The following TLK1 variants were observed in gnomAD, a reference collection of about 807,000 sequenced individuals.
TLK1 encodes the protein serine/threonine-protein kinase tousled-like 1.
A neutral mutation model predicts 105.3 loss-of-function variants in TLK1; 24 were observed. That is an observed-to-expected ratio of 0.23 (90% CI 0.17 to 0.32). The LOEUF (loss-of-function observed/expected upper bound fraction) is 0.32, where lower values mean the gene tolerates loss of function less well. TLK1 is among the 10% of genes least tolerant of loss of function. The probability of loss-of-function intolerance (pLI) is 1.00; values close to 1 mark genes in which losing one functional copy is unlikely to be tolerated. For missense variants in TLK1, 558 were observed against 910.5 expected (o/e 0.61, Z 4.98); for synonymous variants, 321 against 310.4 (o/e 1.03, Z -0.36).
chr2:171,206,150 G>A (rs1693502357), intron 1 of TLK1, among the ~76,000 whole-genome samples: 1 of 152,188 alleles, frequency 6.6e-6, no homozygotes, highest in Admixed American at 6.5e-5. Flanking sequence ...TCAGAGCAAT[G>A]AGAGGCTATT....
chr2:171,118,120 A>T (rs1052516902), intron 1 of TLK1, among the ~76,000 whole-genome samples: 1 of 152,220 alleles, frequency 6.6e-6, no homozygotes, highest in African/African-American at 2.4e-5. Context: ...ACAAACATTC[A>T]TATATTTAAA....
intron 1 of TLK1, among the ~76,000 whole-genome samples, chr2:171,125,514 T>C (rs1002395698): frequency 6.6e-6 from 1 of 152,158 alleles, no homozygotes; most frequent in Non-Finnish European, 1.5e-5. Context: ...TGGTCACAGA[T>C]GTGGCACTCA....
At chr2:171,116,456 T>G (rs1239834036) in intron 2 of TLK1, among the ~76,000 whole-genome samples, 1 of 152,080 alleles carries the variant, frequency 6.6e-6, no homozygotes, top group Non-Finnish European at 1.5e-5. Flanking sequence ...ATCCCAGCAC[T>G]TTGGGAGGCC....
chr2:171,142,485 CTA>C (rs1691620584), intron 1 of TLK1, among the ~76,000 whole-genome samples: 1 of 152,038 alleles, frequency 6.6e-6, no homozygotes, highest in African/African-American at 2.4e-5. Context: ...TGCCTTAACA[CTA>C]GATTAAAAAC....
intron 3 of TLK1, among the ~76,000 whole-genome samples, chr2:171,076,844 G>A (rs1688535445): frequency 2.0e-5 from 3 of 151,912 alleles, no homozygotes; most frequent in Admixed American, 1.3e-4. Context: ...AACCCGGGAG[G>A]CAGAGCTTGC....
chr2:171,074,293 C>T (rs188123675), intron 3 of TLK1, among the ~76,000 whole-genome samples: 149 of 152,300 alleles, frequency 9.8e-4, no homozygotes, highest in Admixed American at 8.6e-3. Flanking sequence ...TCATTGTATA[C>T]AGCAACATTG....
chr2:171,213,207 TTTTC>T (rs769043449), intron 1 of TLK1, among the ~76,000 whole-genome samples: 25 of 142,842 alleles, frequency 1.8e-4, no homozygotes, highest in African/African-American at 6.2e-4. Context: ...TTTTCTTTTC[TTTTC>T]TTTTTTTTTT....
Position 170,990,997 on chromosome 2 carries a change from TGA to T in TLK1, c.*2781_*2782del, listed in dbSNP as rs1683760015. On this transcript the variant is annotated 3_prime_UTR_variant, in exon 21 of 21. Coordinates refer to ENST00000431350, the MANE Select transcript of TLK1 (RefSeq NM_012290.5). ...GAGTTGTTTTAGAAGGAGATGGTAG[TGA>T]GTGTTTAAAAAAAAAAAAAAGATTG... The T allele has an allele frequency of 7.5e-6, 1 of 133,782 alleles. No individual in the cohort carries two copies. The highest frequency in any genetic ancestry group is 1.7e-5 in the Non-Finnish European group (1 of 59,088). The allele number at this position is 133,782 out of a possible 1,614,324, so 8.3% of individuals were successfully genotyped here.
At chr2:171,164,381 T>A (rs796444132), upstream of TLK1, among the ~76,000 whole-genome samples, 6 of 152,284 alleles carry the variant, frequency 3.9e-5, no homozygotes, top group African/African-American at 1.2e-4. Context: ...GATTTATTCC[T>A]AAGTATGCAT....
At chr2:171,057,385 A>G (rs1249975535) in intron 5 of TLK1, among the ~76,000 whole-genome samples, 1 of 152,062 alleles carries the variant, frequency 6.6e-6, no homozygotes, top group Non-Finnish European at 1.5e-5. Context: ...AGAGCCTAGC[A>G]TAAAATTTAG....
At chr2:171,216,092 C>T (rs553569168) in intron 1 of TLK1, among the ~76,000 whole-genome samples, 11 of 152,160 alleles carry the variant, frequency 7.2e-5, no homozygotes, top group Non-Finnish European at 1.2e-4. Flanking sequence ...AATTAGTTAA[C>T]TTGCCCAAGG....
chr2:171,160,715 C>T lies in TLK1; in HGVS notation c.-287G>A. On this transcript the variant is annotated 5_prime_UTR_variant, in exon 1 of 21. Transcript: ENST00000431350. The surrounding 1 kb of genome is among the most constrained non-coding windows in gnomAD (Gnocchi z 4.4). ...GAAAGGAGCGCGGCGGCGGAGGCGTCGAGGGGGTGCCAGCCGGGCCGGGGT... is the reference window on the plus strand; with the variant it reads ...GAAAGGAGCGCGGCGGCGGAGGCGTTGAGGGGGTGCCAGCCGGGCCGGGGT... 2.1e-6 allele frequency: 1 copy of T among 465,948 alleles called. No homozygotes were observed. The highest frequency in any genetic ancestry group is 3.7e-6 in the Non-Finnish European group (1 of 273,596). 28.9% of individuals were successfully genotyped at this position (465,948 alleles called of 1,614,324 possible).
chr2:171,117,841 A>G lies in TLK1; in HGVS notation c.156T>C (p.Leu52=), dbSNP rs759116133. 1.3e-5 allele frequency: 21 copies of G among 1,612,712 alleles called. No homozygotes were observed. Among genetic ancestry groups the G allele is most frequent in the Non-Finnish European group, 1.8e-5 (21 of 1,179,742 alleles). The change falls in exon 2 of 21, where the codon CTT becomes CTC. Residue 52 remains leucine (L), a synonymous_variant. Transcript: ENST00000431350. Reference sequence around the variant, plus strand: ...CTTGCCTTCTTGGATCCAGACTATGAAGCTCATCCATTGCACCTATTAAGA... The same window carrying G: ...CTTGCCTTCTTGGATCCAGACTATGGAGCTCATCCATTGCACCTATTAAGA... ...GRPREGAMDE[L]HSLDPRRQEL...
At chr2:171,137,871 AAAAG>A in intron 1 of TLK1, among the ~76,000 whole-genome samples, 1 of 151,678 alleles carries the variant, frequency 6.6e-6, no homozygotes, top group African/African-American at 2.4e-5. Flanking sequence ...AATAAAATAA[AAAAG>A]TAAAAAATAA....
At chr2:171,099,754 A>G (rs1689611093) in intron 2 of TLK1, among the ~76,000 whole-genome samples, 1 of 152,342 alleles carries the variant, frequency 6.6e-6, no homozygotes, top group South Asian at 2.1e-4. Context: ...TCAAAGGGAG[A>G]AAGAATAGTC....
At chr2:171,033,339 T>C (rs1686140509) in intron 11 of TLK1, among the ~76,000 whole-genome samples, 1 of 151,924 alleles carries the variant, frequency 6.6e-6, no homozygotes, top group Admixed American at 6.6e-5. Flanking sequence ...CAAAATACAT[T>C]TCATAAAAAT....
chr2:171,106,906 G>A (rs1451045279), intron 2 of TLK1, among the ~76,000 whole-genome samples: 1 of 152,126 alleles, frequency 6.6e-6, no homozygotes, highest in African/African-American at 2.4e-5. Flanking sequence ...ACATATACCT[G>A]TACTTGAATT....
intron 12 of TLK1, among the ~76,000 whole-genome samples, chr2:171,024,274 CTTT>C (rs1575525793): frequency 1.3e-5 from 2 of 151,948 alleles, no homozygotes; most frequent in East Asian, 3.9e-4. Flanking sequence ...TAAAAATGTG[CTTT>C]TTAAAAAGGT....
rs141408479 is a variant in TLK1 at position 171,130,599 on chromosome 2, T to C, written c.140-12742A>G. Among the ~76,000 whole-genome samples the C allele has an allele frequency of 4.8e-3, 733 of 152,184 alleles. 5 individuals carry two copies. Among genetic ancestry groups the C allele is most frequent in the African/African-American group, 0.016 (681 of 41,502 alleles). On this transcript the variant is annotated intron_variant, in intron 1 of 20. Transcript: ENST00000431350. ...AACTTGCCCAAAAATACATGCAAAGTAAATCACGTGAGAAGAGAAAGCAAC... is the reference window on the plus strand; with the variant it reads ...AACTTGCCCAAAAATACATGCAAAGCAAATCACGTGAGAAGAGAAAGCAAC...
Sources: gnomAD v4.1 joint callset for allele counts (sites outside exome capture counted in the v4.1 genomes callset) on GRCh38, gnomAD v4.1.1 for gene constraint, Gnocchi (gnomAD v3.1) non-coding constraint, MANE v1.5 for transcripts, NCBI Gene and HGNC (gene_info 2026-07-23, HGNC 2026-07-21) for gene names.